The following ADGRL2 variants were observed in gnomAD, a reference collection of about 807,000 sequenced individuals.
The protein encoded by ADGRL2 is calcium-independent alpha-latrotoxin receptor 2.
A neutral mutation model predicts 157.4 loss-of-function variants in ADGRL2; 44 were observed. That is an observed-to-expected ratio of 0.28 (90% confidence interval 0.22 to 0.36). The LOEUF (loss-of-function observed/expected upper bound fraction) is 0.36, where lower values mean the gene tolerates loss of function less well. ADGRL2 is among the 10% of genes least tolerant of loss of function. The pLI, the probability that ADGRL2 is intolerant of heterozygous loss-of-function variation, is 1.00. For missense variants in ADGRL2, 1,510 were observed against 1,768.9 expected (o/e 0.85, Z 2.63); for synonymous variants, 585 against 624.7 (o/e 0.94, Z 0.95).
At chr1:81,382,671 G>T (rs912763624) in intron 1 of ADGRL2, among the ~76,000 whole-genome samples, 4 of 152,128 alleles carry the variant, frequency 2.6e-5, no homozygotes, top group African/African-American at 7.2e-5. Context: ...AAAGACCCTG[G>T]TTCCACCGCC....
chr1:81,631,220 C>A (rs1401077683), intron 3 of ADGRL2, among the ~76,000 whole-genome samples: 1 of 151,202 alleles, frequency 6.6e-6, no homozygotes, highest in Admixed American at 6.6e-5. Context: ...TTTTTCTTTT[C>A]TTTTGTTTTT....
intron 2 of ADGRL2, among the ~76,000 whole-genome samples, chr1:81,890,223 G>A (rs1344995986): frequency 6.6e-6 from 1 of 152,118 alleles, no homozygotes. Context: ...CAAGTGGGGA[G>A]AATACTGTGA....
At chr1:81,569,358 T>C (rs530694699) in intron 2 of ADGRL2, among the ~76,000 whole-genome samples, 2 of 151,628 alleles carry the variant, frequency 1.3e-5, no homozygotes, top group Non-Finnish European at 2.9e-5. Flanking sequence ...CACACCCACA[T>C]CCATACTAGT....
chr1:81,493,148 A>G (rs1175331668), intron 2 of ADGRL2, among the ~76,000 whole-genome samples: 1 of 152,226 alleles, frequency 6.6e-6, no homozygotes, highest in Non-Finnish European at 1.5e-5. Flanking sequence ...TCAGCCTCCA[A>G]CAGGTTTGTG....
At chr1:81,404,501 G>A in intron 1 of ADGRL2, among the ~76,000 whole-genome samples, 1 of 152,138 alleles carries the variant, frequency 6.6e-6, no homozygotes, top group Non-Finnish European at 1.5e-5. Flanking sequence ...GCATAAGGAT[G>A]CTATTGGGCC....
intron 1 of ADGRL2, among the ~76,000 whole-genome samples, chr1:81,352,338 G>A (rs1157193503): frequency 1.3e-5 from 2 of 152,136 alleles, no homozygotes; most frequent in Non-Finnish European, 2.9e-5. Context: ...TACCTCTGAG[G>A]AATCAGTTAG....
chr1:81,763,844 T>A (rs1315552064), intron 2 of ADGRL2, among the ~76,000 whole-genome samples: 3 of 151,324 alleles, frequency 2.0e-5, no homozygotes, highest in Non-Finnish European at 4.4e-5. Flanking sequence ...CCGTCTCTAC[T>A]AAATATACAA....
At chr1:81,553,625 T>G (rs2080203966) in intron 2 of ADGRL2, among the ~76,000 whole-genome samples, 1 of 152,226 alleles carries the variant, frequency 6.6e-6, no homozygotes, top group Admixed American at 6.5e-5. Flanking sequence ...TTTAAAAATC[T>G]ATTTTACATG....
In ADGRL2 at chr1:81,356,440, A is replaced by C. The variant is rs538718015; in HGVS notation, c.-302+49931A>C. ...CCTTGGCCACATTACTAAGTCTGAAACTAACTTTTTTTTTGTAAGGGAGGG... is the reference window on the plus strand; with the variant it reads ...CCTTGGCCACATTACTAAGTCTGAACCTAACTTTTTTTTTGTAAGGGAGGG... On this transcript the variant is annotated intron_variant, in intron 1 of 24. Coordinates refer to the ADGRL2 transcript ENST00000370721. Among the ~76,000 whole-genome samples, 4 of 152,302 alleles carry C rather than the reference A, an allele frequency of 2.6e-5. No individual in the cohort carries two copies. The South Asian group carries it at 8.3e-4, about 32-fold the overall frequency.
intron 1 of ADGRL2, among the ~76,000 whole-genome samples, chr1:81,744,041 G>A (rs1405813057): frequency 6.6e-6 from 1 of 152,086 alleles, no homozygotes; most frequent in Non-Finnish European, 1.5e-5. Flanking sequence ...GGTGGGAAGT[G>A]GGAAGCTAAA....
intron 2 of ADGRL2, among the ~76,000 whole-genome samples, chr1:81,455,831 G>A (rs2077794214): frequency 6.6e-6 from 1 of 152,252 alleles, no homozygotes; most frequent in Middle Eastern, 3.4e-3. Flanking sequence ...TAGAAAGACT[G>A]GAAATAGGAA....
intron 1 of ADGRL2, among the ~76,000 whole-genome samples, chr1:81,338,504 C>T (rs1190055266): frequency 6.6e-6 from 1 of 152,062 alleles, no homozygotes; most frequent in African/African-American, 2.4e-5. Context: ...TACATGGTGT[C>T]TAACTTTGAG....
At chr1:81,866,127 A>G (rs184561922) in intron 2 of ADGRL2, among the ~76,000 whole-genome samples, 1 of 152,236 alleles carries the variant, frequency 6.6e-6, no homozygotes, top group African/African-American at 2.4e-5. Context: ...GAAAGAAATA[A>G]CATTTCATGC....
chr1:81,717,312 G>A (rs951707874), intron 1 of ADGRL2, among the ~76,000 whole-genome samples: 2 of 152,180 alleles, frequency 1.3e-5, no homozygotes, highest in Non-Finnish European at 2.9e-5. Flanking sequence ...CCTTTGGAAA[G>A]AGGCACAGCA....
At chr1:81,832,318 T>A (rs767238613) in intron 1 of ADGRL2, among the ~76,000 whole-genome samples, 5 of 152,162 alleles carry the variant, frequency 3.3e-5, no homozygotes, top group African/African-American at 4.8e-5. Context: ...ATTTTTTGTG[T>A]ATTTTTAGTA....
intron 3 of ADGRL2, among the ~76,000 whole-genome samples, chr1:81,621,740 C>T (rs1415269463): frequency 6.6e-6 from 1 of 152,154 alleles, no homozygotes; most frequent in South Asian, 2.1e-4. Flanking sequence ...CATCGGCAGA[C>T]CTGTGAGATG....
intron 3 of ADGRL2, chr1:81,586,054 T>A (rs1273703580): frequency 6.6e-6 from 1 of 152,108 alleles, no homozygotes; most frequent in African/African-American, 2.4e-5. Context: ...TACCTTTTTT[T>A]AATACCAGCT....
chr1:81,428,941 C>CA (rs1207930271), intron 1 of ADGRL2, among the ~76,000 whole-genome samples: 1 of 152,084 alleles, frequency 6.6e-6, no homozygotes, highest in South Asian at 2.1e-4. Flanking sequence ...CTCAGCATAT[C>CA]AAAATACCAT....
chr1:81,651,644 T>G (rs1316801448), intron 3 of ADGRL2, among the ~76,000 whole-genome samples: 1 of 152,200 alleles, frequency 6.6e-6, no homozygotes, highest in Non-Finnish European at 1.5e-5. Flanking sequence ...TAGAGGAGGT[T>G]CATTATACTT....
Sources: allele counts gnomAD v4.1 joint callset (sites outside exome capture counted in the v4.1 genomes callset), GRCh38; gene constraint gnomAD v4.1.1; transcripts MANE v1.5; gene names NCBI Gene and HGNC (gene_info 2026-07-23, HGNC 2026-07-21).